Variants in RIC1 observed in about 807,000 individuals in gnomAD.
The protein encoded by RIC1 is guanine nucleotide exchange factor subunit RIC1.
Under a neutral mutation model 169.0 loss-of-function variants are expected in RIC1, and 88 were observed. That is an observed-to-expected ratio of 0.52 (90% CI 0.44 to 0.62). The LOEUF is 0.62. Ranked by LOEUF, RIC1 falls within the 20% of genes least tolerant of loss-of-function variation. RIC1 has a pLI of 0.00. For missense variants in RIC1, 1,877 were observed against 1,725.5 expected, an observed-to-expected ratio of 1.09 and a Z score of -1.56; for synonymous variants, 790 against 601.5, an observed-to-expected ratio of 1.31 and a Z score of -4.59.
intron 2 of RIC1, among the ~76,000 whole-genome samples, chr9:5,679,762 G>T (rs1820699564): frequency 1.3e-5 from 2 of 152,152 alleles, no homozygotes; most frequent in African/African-American, 4.8e-5. Flanking sequence ...GGGTTTTCTA[G>T]ATATACAATC....
Position 5,742,865 on chromosome 9 carries a change from A to T in RIC1, c.902-4A>T, listed in dbSNP as rs369400985. On this transcript the variant is annotated splice_region_variant and splice_polypyrimidine_tract_variant and intron_variant, in intron 8 of 25. Transcript: ENST00000414202. ...TTTTAACTCTTCTCACTATTTCCTAACAGACATTTGGAATAAAACAGGAGC... is the reference window on the plus strand; with the variant it reads ...TTTTAACTCTTCTCACTATTTCCTATCAGACATTTGGAATAAAACAGGAGC... The T allele has an allele frequency of 9.2e-5, 148 of 1,610,148 alleles. No homozygotes were observed. Among genetic ancestry groups the T allele is most frequent in the Non-Finnish European group, 1.2e-4 (138 of 1,177,726 alleles).
chr9:5,702,366 C>T (rs894603986), intron 3 of RIC1, among the ~76,000 whole-genome samples: 4 of 152,072 alleles, frequency 2.6e-5, no homozygotes, highest in Admixed American at 6.6e-5. Context: ...TTCACAGTTC[C>T]GCAGGCTATA....
intron 2 of RIC1, among the ~76,000 whole-genome samples, chr9:5,667,504 C>CTTT (rs1171999345): frequency 4.6e-5 from 6 of 131,206 alleles, no homozygotes; most frequent in African/African-American, 1.4e-4. Flanking sequence ...CCACCGCCAC[C>CTTT]TTTTTTTTTT....
At chr9:5,686,835 T>C (rs192556134) in intron 2 of RIC1, among the ~76,000 whole-genome samples, 3 of 152,244 alleles carry the variant, frequency 2.0e-5, no homozygotes, top group South Asian at 4.1e-4. Context: ...AATGTCTTTG[T>C]CTGGTTTTGT....
chr9:5,632,816 A>G lies in RIC1; in HGVS notation c.144+3363A>G, dbSNP rs562698266. On this transcript the variant is annotated intron_variant, in intron 1 of 25. Coordinates refer to ENST00000414202, the MANE Select transcript of RIC1 (RefSeq NM_020829.4). ...GGGCCCAGAATTATTCCTTTAATAT[A>G]CTAACTGTGACTATGAAAGTCTATA... 4.6e-5 allele frequency among the ~76,000 whole-genome samples: 7 copies of G among 152,312 alleles called. No individual in the cohort carries two copies. In the South Asian group the frequency reaches 1.2e-3, roughly 27 times the overall value.
chr9:5,657,712 T>C (rs1201632150), intron 2 of RIC1, among the ~76,000 whole-genome samples: 1 of 152,128 alleles, frequency 6.6e-6, no homozygotes, highest in Non-Finnish European at 1.5e-5. Flanking sequence ...TGATGAAAAA[T>C]ACTGAGTAGT....
Position 5,747,440 on chromosome 9 carries a change from G to T in RIC1, c.1387G>T (p.Asp463Tyr). ...CAGTCGAGAAAAGAGCCCATTTGCA[G>T]ATGGAGGTTTAGAGTCTCAGGGATT... is the stretch of plus-strand genomic sequence containing the variant. The part of the protein sequence containing the change: ...KPSREKSPFA[D>Y]GGLESQGLST... Residue 463 changes from aspartate (D) to tyrosine (Y), a missense_variant, in exon 12 of 26, where the codon GAT (aspartate) becomes TAT (tyrosine). Physicochemically the swap from Asp to Tyr is radical, Grantham distance 160. Transcript: ENST00000414202. 1 of 1,614,116 alleles carries T rather than the reference G, an allele frequency of 6.2e-7. No individual in the cohort carries two copies. The highest frequency in any genetic ancestry group is 1.1e-5 in the South Asian group (1 of 91,080).
chr9:5,772,742 G>T lies in RIC1; in HGVS notation c.3794+1G>T. ...CTCATAAATCCCAGGTCCAGCTTCG[G>T]TGAGTTTCTTGGCTATTTGAAATCA... On this transcript the variant is annotated splice_donor_variant, in intron 24 of 25. Transcript: ENST00000414202. LOFTEE classifies it high-confidence loss of function. The T allele has an allele frequency of 6.2e-7, 1 of 1,604,504 alleles. No individual in the cohort carries two copies.
In RIC1 at chr9:5,745,840, G is replaced by T. The variant is rs539068693; in HGVS notation, c.1096-91G>T. ...CAAATCATTAATAATGCTATCATTG[G>T]CTATTTCAGAATTTGAATAATTGAA... On this transcript the variant is annotated intron_variant, in intron 10 of 25. Transcript: ENST00000414202. 254 of 1,062,488 alleles carry T rather than the reference G, an allele frequency of 2.4e-4. No individual in the cohort carries two copies. The South Asian group carries it at 3.6e-3, about 15-fold the overall frequency. 65.8% of individuals were successfully genotyped at this position (1,062,488 alleles called of 1,614,324 possible).
rs1456704992 is a variant in RIC1, at chr9:5,763,190, GACA to G, written c.2166_2168del (p.Thr723del). The G allele has an allele frequency of 4.3e-6, 7 of 1,613,920 alleles. No individual in the cohort carries two copies. The highest frequency in any genetic ancestry group is 1.3e-5 in the African/African-American group (1 of 74,872). On this transcript the variant is annotated inframe_deletion, in exon 19 of 26. Coordinates refer to ENST00000414202, the MANE Select transcript of RIC1 (RefSeq NM_020829.4). This position sits in a 1 kb window ranked among gnomAD's most constrained non-coding sequence, Gnocchi z 5.2. ...TAGCCCAGTCTGTTGAAAATGTCTG[GACA>G]ACGTGTCGAGCAAATAAACAGAAAC...
chr9:5,768,273 T>G (rs1451597800), intron 21 of RIC1, among the ~76,000 whole-genome samples: 1 of 152,136 alleles, frequency 6.6e-6, no homozygotes, highest in Non-Finnish European at 1.5e-5. Context: ...CACCTGTAAT[T>G]CCAGCACTTT....
At chr9:5,745,187 A>G (rs1825305995) in intron 10 of RIC1, among the ~76,000 whole-genome samples, 1 of 152,192 alleles carries the variant, frequency 6.6e-6, no homozygotes, top group Non-Finnish European at 1.5e-5. Flanking sequence ...ATTATTAGTT[A>G]AAACTTAGGC....
At chr9:5,707,615 T>TA (rs1822671404) in intron 3 of RIC1, among the ~76,000 whole-genome samples, 1 of 152,120 alleles carries the variant, frequency 6.6e-6, no homozygotes, top group Non-Finnish European at 1.5e-5. Context: ...TTGATCATTA[T>TA]AAAAATCCTT....
At chr9:5,716,415 C>G (rs930756382) in intron 4 of RIC1, among the ~76,000 whole-genome samples, 2 of 152,092 alleles carry the variant, frequency 1.3e-5, no homozygotes, top group Admixed American at 1.3e-4. Flanking sequence ...GAGTTTGAGA[C>G]CAGCCTAGCC....
intron 2 of RIC1, among the ~76,000 whole-genome samples, chr9:5,667,823 T>G (rs906625461): frequency 6.6e-6 from 1 of 152,102 alleles, no homozygotes; most frequent in Non-Finnish European, 1.5e-5. Context: ...CCTTTTTAAG[T>G]GTGGATGTCT....
chr9:5,707,962 G>C (rs1156423851), intron 3 of RIC1, among the ~76,000 whole-genome samples: 4 of 151,966 alleles, frequency 2.6e-5, no homozygotes, highest in Non-Finnish European at 5.9e-5. Flanking sequence ...TTCCTCCACT[G>C]CTGCCTTTTT....
intron 2 of RIC1, among the ~76,000 whole-genome samples, chr9:5,657,678 G>C (rs955911153): frequency 1.4e-4 from 22 of 152,048 alleles, no homozygotes; most frequent in Non-Finnish European, 2.6e-4. Context: ...ACACTGACTA[G>C]GTTAATAGTC....
chr9:5,702,793 C>G (rs563410954), intron 3 of RIC1, among the ~76,000 whole-genome samples: 2 of 152,128 alleles, frequency 1.3e-5, no homozygotes, highest in Admixed American at 1.3e-4. Flanking sequence ...GCATTCTGCC[C>G]GACTTGGCCT....
At chr9:5,714,413 GTATGAA>G (rs1823114863) in intron 4 of RIC1, among the ~76,000 whole-genome samples, 1 of 152,088 alleles carries the variant, frequency 6.6e-6, no homozygotes, top group African/African-American at 2.4e-5. Context: ...TTTCATCCAA[GTATGAA>G]TAAAGGTTTT....
Sources: allele counts gnomAD v4.1 joint callset (sites outside exome capture counted in the v4.1 genomes callset), GRCh38; gene constraint gnomAD v4.1.1; non-coding constraint Gnocchi (gnomAD v3.1); transcripts MANE v1.5; gene names NCBI Gene and HGNC (gene_info 2026-07-23, HGNC 2026-07-21).